The following EPS15 variants were observed in gnomAD, a reference collection of about 807,000 sequenced individuals.
The protein encoded by EPS15 is epidermal growth factor receptor pathway substrate 15, also known as epidermal growth factor receptor substrate 15.
EPS15 carries 72 observed loss-of-function variants against 113.8 expected under a neutral mutation model. The observed-to-expected ratio is 0.63, with a 90% CI of 0.52 to 0.77. EPS15 has a LOEUF of 0.77. EPS15 is among the 30% of genes least tolerant of loss of function. The pLI, the probability that EPS15 is intolerant of heterozygous loss-of-function variation, is 0.00. For synonymous variants in EPS15, 344 were observed against 363.4 expected, an observed-to-expected ratio of 0.95 and a Z score of 0.61; for missense variants, 1,048 against 1,045.8, an observed-to-expected ratio of 1.00 and a Z score of -0.03.
intron 8 of EPS15, among the ~76,000 whole-genome samples, chr1:51,453,955 CAGG>C (rs1653773581): frequency 6.8e-6 from 1 of 146,592 alleles, no homozygotes; most frequent in Admixed American, 7.1e-5. Context: ...GAGGCTGAGG[CAGG>C]AGAATTGTTT....
intron 1 of EPS15, among the ~76,000 whole-genome samples, chr1:51,511,368 C>A (rs573958757): frequency 6.6e-6 from 1 of 151,408 alleles, no homozygotes; most frequent in South Asian, 2.1e-4. Context: ...TGGTGATGCA[C>A]GCCTGTAATC....
At chr1:51,510,064 A>T (rs1194834605) in intron 1 of EPS15, among the ~76,000 whole-genome samples, 1 of 152,226 alleles carries the variant, frequency 6.6e-6, no homozygotes, top group Non-Finnish European at 1.5e-5. Flanking sequence ...GGATATAAGG[A>T]TTACCAAGTT....
intron 24 of EPS15, 123 bp downstream of exon 24, chr1:51,361,048 G>T: frequency 2.7e-6 from 2 of 737,004 alleles, no homozygotes; most frequent in Non-Finnish European, 4.5e-6. Context: ...GGGGAAGAAT[G>T]AAAGATCATT....
chr1:51,460,795 G>C, intron 8 of EPS15: 1 of 286,530 alleles, frequency 3.5e-6, no homozygotes, highest in South Asian at 3.9e-5. Flanking sequence ...CTCTTCAAAA[G>C]ATACCAAAAT....
At chr1:51,421,888 T>C (rs1390301888) in intron 12 of EPS15, 30 bp from the exon 13 acceptor site, 1 of 1,610,420 alleles carries the variant, frequency 6.2e-7, no homozygotes, top group Admixed American at 1.7e-5. Flanking sequence ...TGCAAGAATA[T>C]TTTAGAACAT....
intron 1 of EPS15, among the ~76,000 whole-genome samples, chr1:51,484,979 G>T (rs1297414644): frequency 6.6e-6 from 1 of 152,136 alleles, no homozygotes; most frequent in Non-Finnish European, 1.5e-5. Context: ...TTGTTGTTTG[G>T]TAACCATTTT....
chr1:51,372,615 C>A, intron 21 of EPS15: 1 of 501,224 alleles, frequency 2.0e-6, no homozygotes. Flanking sequence ...TAACCTAACT[C>A]AGTATTGGTA....
intron 21 of EPS15, among the ~76,000 whole-genome samples, chr1:51,392,388 A>G (rs2148403081): frequency 6.6e-6 from 1 of 152,310 alleles, no homozygotes; most frequent in South Asian, 2.1e-4. Flanking sequence ...AATAGTAGCC[A>G]TTATTATTAC....
chr1:51,476,729 T>C (rs976079111), intron 2 of EPS15, among the ~76,000 whole-genome samples: 12 of 152,204 alleles, frequency 7.9e-5, no homozygotes, highest in African/African-American at 2.9e-4. Flanking sequence ...TTATTTCTCA[T>C]TGGTTCCATT....
chr1:51,453,135 TATG>T (rs1238862577), intron 8 of EPS15, among the ~76,000 whole-genome samples: 2 of 152,100 alleles, frequency 1.3e-5, no homozygotes, highest in African/African-American at 4.8e-5. Flanking sequence ...ATTCACAATA[TATG>T]TACTGTGAAA....
chr1:51,493,727 T>TC (rs1644282312), intron 1 of EPS15, among the ~76,000 whole-genome samples: 1 of 150,876 alleles, frequency 6.6e-6, no homozygotes, highest in Non-Finnish European at 1.5e-5. Flanking sequence ...CAAGCGATTC[T>TC]CCTGCCTCAG....
rs1235452681 is a variant in EPS15, at chr1:51,406,215, C to T, written c.1474-107G>A. 7 of 892,294 alleles carry T rather than the reference C, an allele frequency of 7.8e-6. No homozygotes were observed. In the East Asian group the frequency reaches 1.9e-4, roughly 24 times the overall value. 55.3% of individuals were successfully genotyped at this position (892,294 alleles called of 1,614,324 possible). A position where few individuals can be genotyped will look rare whatever the true frequency, so the allele number is the denominator to read the frequency against. On this transcript the variant is annotated intron_variant, in intron 15 of 24. Transcript: ENST00000371733. ...GACGGGCTAGGTGTGGTAGCTCATG[C>T]CTATAATCTCAACACTTTGGGAAAC...
At chr1:51,515,315 T>C (rs1339603762) in intron 1 of EPS15, among the ~76,000 whole-genome samples, 1 of 150,972 alleles carries the variant, frequency 6.6e-6, no homozygotes, top group South Asian at 2.1e-4. Context: ...TACAAAAAAA[T>C]TTTAAAAATT....
chr1:51,448,001 T>C lies in EPS15; in HGVS notation c.651+45A>G, dbSNP rs752526780. 28 of 1,602,390 alleles carry C rather than the reference T, an allele frequency of 1.7e-5. No homozygotes were observed. In the East Asian group the frequency reaches 6.3e-4, roughly 36 times the overall value. ...GTAAGGAGTGGTAAGATTCCTTGGC[T>C]GATGCTGAAGAGGGGATCAACCGCA... On this transcript the variant is annotated intron_variant, in intron 9 of 24. Coordinates refer to ENST00000371733, the MANE Select transcript of EPS15 (RefSeq NM_001981.3).
chr1:51,477,664 C>T (rs950678479), intron 2 of EPS15, among the ~76,000 whole-genome samples: 2 of 152,064 alleles, frequency 1.3e-5, no homozygotes, highest in Non-Finnish European at 2.9e-5. Context: ...TCTTTGTTCT[C>T]GTTGGTTTCA....
chr1:51,386,312 G>A (rs1647071659), intron 21 of EPS15, among the ~76,000 whole-genome samples: 1 of 152,204 alleles, frequency 6.6e-6, no homozygotes, highest in Non-Finnish European at 1.5e-5. Flanking sequence ...GAAAGTAAGT[G>A]ACAATGAAAG....
At chr1:51,432,298 TTATGTATG>T (rs71063032) in intron 12 of EPS15, among the ~76,000 whole-genome samples, 12,194 of 145,942 alleles carry the variant, frequency 0.084, 585 homozygotes, top group Non-Finnish European at 0.1. Context: ...GCCACATAGA[TTATGTATG>T]TATGTATGTA....
intron 1 of EPS15, among the ~76,000 whole-genome samples, chr1:51,493,232 G>C (rs1018721583): frequency 1.3e-5 from 2 of 152,106 alleles, no homozygotes; most frequent in Non-Finnish European, 2.9e-5. Context: ...GTGGTGGTGG[G>C]CGCCTGTAGT....
chr1:51,381,450 G>A (rs749678713), intron 21 of EPS15, among the ~76,000 whole-genome samples: 12 of 151,988 alleles, frequency 7.9e-5, no homozygotes, highest in South Asian at 2.1e-4. Flanking sequence ...AAAATGACAC[G>A]GGCGTGGTGG....
Sources: gnomAD v4.1 joint callset for allele counts (sites outside exome capture counted in the v4.1 genomes callset) on GRCh38, gnomAD v4.1.1 for gene constraint, MANE v1.5 for transcripts, NCBI Gene and HGNC (gene_info 2026-07-23, HGNC 2026-07-21) for gene names.